Variants in PIMREG observed in about 807,000 individuals in gnomAD.
The protein encoded by PIMREG is protein PIMREG.
Under a neutral mutation model 24.3 loss-of-function variants are expected in PIMREG, and 19 were observed. The ratio of observed to expected loss-of-function variants is 0.78; its 90% CI spans 0.54 to 1.15. PIMREG has a LOEUF of 1.15. Ranked by LOEUF, PIMREG falls within the 50% of genes most tolerant of loss-of-function variation. The pLI, the probability that PIMREG is intolerant of heterozygous loss-of-function variation, is 0.00. For synonymous variants in PIMREG, 112 were observed against 124.1 expected, an observed-to-expected ratio of 0.90 and a Z score of 0.65; for missense variants, 283 against 306.8, an observed-to-expected ratio of 0.92 and a Z score of 0.58.
intron 2 of PIMREG, among the ~76,000 whole-genome samples, chr17:6,445,840 A>G (rs1913550762): frequency 6.6e-6 from 1 of 152,144 alleles, no homozygotes. Context: ...TGTACTGCCC[A>G]CTCAGCTGTG....
rs529735107 is a variant in PIMREG at position 6,449,328 on chromosome 17, C to A, written c.607C>A (p.Leu203Ile). 9.9e-6 allele frequency: 16 copies of A among 1,612,656 alleles called. No individual in the cohort carries two copies. Among genetic ancestry groups the A allele is most frequent in the Non-Finnish European group, 1.3e-5 (15 of 1,179,458 alleles). Residue 203 changes from leucine (L) to isoleucine (I), a missense_variant, in exon 4 of 6, where the codon CTA becomes ATA. Coordinates refer to ENST00000572447, the MANE Select transcript of PIMREG (RefSeq NM_019013.3). Reference protein sequence around the residue: ...LCSPSESDSDLEPVGAGIQHL... With the variant: ...LCSPSESDSDIEPVGAGIQHL... Reference sequence around the variant, plus strand: ...TTCATGCAGCGAGTCTGACAGTGACCTAGAGCCTGTGGGGGCGGGAATTCA... The same window carrying A: ...TTCATGCAGCGAGTCTGACAGTGACATAGAGCCTGTGGGGGCGGGAATTCA...
At position 6,450,048 on chromosome 17, in the gene PIMREG, T is replaced by C. The variant is rs1436432323; in HGVS notation, c.707T>C (p.Ile236Thr). The C allele has an allele frequency of 5.0e-6, 8 of 1,614,058 alleles. No individual in the cohort carries two copies. In the Admixed American group the frequency reaches 1.3e-4, roughly 27 times the overall value. The part of the protein sequence containing the change: ...AEESGDIVSL[I>T]HD ...TCTAGTGGTGACATCGTCTCTCTCA[T>C]TCATGACTGAGGAAGTGCCTGCAGG... The change falls in exon 5 of 6, where the codon ATT (isoleucine) becomes ACT (threonine). Residue 236 changes from isoleucine to threonine, a missense_variant. Ile to Thr is a moderately conservative substitution (Grantham distance 89). Coordinates refer to ENST00000572447, the MANE Select transcript of PIMREG (RefSeq NM_019013.3).
In PIMREG at chr17:6,445,800, G is replaced by A. The variant is rs117378317; in HGVS notation, c.294+396G>A. 4.0e-3 allele frequency among the ~76,000 whole-genome samples: 606 copies of A among 152,300 alleles called. 1 individual carries two copies. Among genetic ancestry groups the A allele is most frequent in the Non-Finnish European group, 6.2e-3 (420 of 68,032 alleles). ...ATTTAGGGTAGGGGAAATAGTGCAA[G>A]TCCAGGCCTAGAGCTGAGGGAAAGC... is the stretch of plus-strand genomic sequence containing the variant. On this transcript the variant is annotated intron_variant, in intron 2 of 5. Coordinates refer to ENST00000572447, the MANE Select transcript of PIMREG (RefSeq NM_019013.3).
chr17:6,450,783 G>A lies in PIMREG; in HGVS notation c.*436G>A, dbSNP rs1913800190. 4.3e-6 allele frequency: 1 copy of A among 234,070 alleles called. No homozygotes were observed. Among genetic ancestry groups the A allele is most frequent in the African/African-American group, 2.3e-5 (1 of 44,354 alleles). The allele number at this position is 234,070 out of a possible 1,614,324, so 14.5% of individuals were successfully genotyped here. A position where few individuals can be genotyped will look rare whatever the true frequency, so the allele number is the denominator to read the frequency against. ...TCACCCACTGTGTTTCTGGTGCCAA[G>A]GCTCTTGAGGGCCCCACTCTCATCC... On this transcript the variant is annotated 3_prime_UTR_variant, in exon 6 of 6. Coordinates refer to ENST00000572447, the MANE Select transcript of PIMREG (RefSeq NM_019013.3).
chr17:6,445,483 A>C (rs917886271), intron 2 of PIMREG, 79 bp downstream of exon 2: 47 of 1,445,658 alleles, frequency 3.3e-5, no homozygotes, highest in Non-Finnish European at 4.0e-5. Context: ...AAAGAGCCTC[A>C]AGAATATAGA....
intron 5 of PIMREG, 21 bp downstream of exon 5, chr17:6,450,093 GTCTT>G: frequency 1.2e-6 from 2 of 1,612,406 alleles, no homozygotes. Flanking sequence ...CCTCCCAAGA[GTCTT>G]TCTCACTGTC....
At chr17:6,449,687 A>C (rs1567652783) in intron 4 of PIMREG, 3 of 1,377,858 alleles carry the variant, frequency 2.2e-6, no homozygotes, top group East Asian at 2.6e-5. Flanking sequence ...TTCCTGAAAA[A>C]CCTGCCCTTC....
chr17:6,450,013 T>A lies in PIMREG; in HGVS notation c.687-15T>A. 1 of 1,613,764 alleles carries A rather than the reference T, an allele frequency of 6.2e-7. No individual in the cohort carries two copies. The highest frequency in any genetic ancestry group is 1.1e-5 in the South Asian group (1 of 91,080). ...CACCACACCCAGTGGCATCAATCCC[T>A]CCCCTTCTCTCTAGTGGTGACATCG... On this transcript the variant is annotated splice_polypyrimidine_tract_variant and intron_variant, in intron 4 of 5. Coordinates refer to ENST00000572447, the MANE Select transcript of PIMREG (RefSeq NM_019013.3).
At chr17:6,447,394 G>A (rs1397367735) in intron 2 of PIMREG, 69 bp from the exon 3 acceptor site, 1 of 1,536,532 alleles carries the variant, frequency 6.5e-7, no homozygotes, top group African/African-American at 1.4e-5. Context: ...GGGATTATAG[G>A]CGTGAGCCAC....
rs1913515035 is a variant in PIMREG, at chr17:6,444,994, C to CAGA, written c.-35-82_-35-81insAGA. ...GCCACCCCGCTGCATCCCGTCTCTT[C>CAGA]CCCTGTGTCCAGGGTCTCTGTGGGG... On this transcript the variant is annotated intron_variant, in intron 1 of 5. Coordinates refer to ENST00000572447, the MANE Select transcript of PIMREG (RefSeq NM_019013.3). This position sits in a 1 kb window ranked among gnomAD's most constrained non-coding sequence, Gnocchi z 4.3. 8.7e-7 allele frequency: 1 copy of CAGA among 1,150,224 alleles called. No homozygotes were observed. Among genetic ancestry groups the CAGA allele is most frequent in the Non-Finnish European group, 1.2e-6 (1 of 849,718 alleles). The allele number at this position is 1,150,224 out of a possible 1,614,324, so 71.3% of individuals were successfully genotyped here.
At position 6,444,986 on chromosome 17, in the gene PIMREG, C is replaced by T. The variant is rs1019527715; in HGVS notation, c.-35-90C>T. 6.5e-6 allele frequency: 7 copies of T among 1,082,688 alleles called. No homozygotes were observed. The African/African-American group carries it at 9.6e-5, about 15-fold the overall frequency. The allele number at this position is 1,082,688 out of a possible 1,614,324, so 67.1% of individuals were successfully genotyped here. A position where few individuals can be genotyped will look rare whatever the true frequency, so the allele number is the denominator to read the frequency against. ...CCGCCCCCGCCACCCCGCTGCATCC[C>T]GTCTCTTCCCCTGTGTCCAGGGTCT... On this transcript the variant is annotated intron_variant, in intron 1 of 5. Transcript: ENST00000572447. This position sits in a 1 kb window ranked among gnomAD's most constrained non-coding sequence, Gnocchi z 4.3.
chr17:6,450,140 A>G, intron 5 of PIMREG, 68 bp downstream of exon 5: 1 of 1,537,784 alleles, frequency 6.5e-7, no homozygotes, highest in Non-Finnish European at 9.0e-7. Context: ...AGCAAGTTAA[A>G]GAAAAAGCCC....
chr17:6,448,726 C>T (rs1913688221), intron 3 of PIMREG, among the ~76,000 whole-genome samples: 2 of 152,124 alleles, frequency 1.3e-5, no homozygotes, highest in African/African-American at 2.4e-5. Flanking sequence ...TCATCCCAAT[C>T]GGCAGTCCCT....
At chr17:6,448,282 C>CAAAAAAAAAAAAAAAAAAA (rs71154695) in intron 3 of PIMREG, among the ~76,000 whole-genome samples, 24 of 41,296 alleles carry the variant, frequency 5.8e-4, no homozygotes, top group South Asian at 1.4e-3. Context: ...GACCCTGTCT[C>CAAAAAAAAAAAAAAAAAAA]AAAAAAAAAA....
Position 6,447,722 on chromosome 17 carries a change from G to T in PIMREG, c.554G>T (p.Ser185Ile). The T allele has an allele frequency of 6.2e-7, 1 of 1,613,256 alleles. No homozygotes were observed. Among genetic ancestry groups the T allele is most frequent in the South Asian group, 1.1e-5 (1 of 90,988 alleles). ...TCAAGGCGGGAGGCTGCCTTCCGGA[G>T]CCCCTACTCCTCAACAGAGCCCCTC... ...RRSRREAAFR[S>I]PYSSTEPLCS... The change falls in exon 3 of 6, where the codon AGC (serine) becomes ATC (isoleucine). Residue 185 changes from serine (S) to isoleucine (I), a missense_variant. Coordinates refer to ENST00000572447, the MANE Select transcript of PIMREG (RefSeq NM_019013.3).
rs985923035 is a variant in PIMREG at position 6,445,328 on chromosome 17, A to G, written c.218A>G (p.Glu73Gly). The change falls in exon 2 of 6, where the codon GAA (glutamate) becomes GGA (glycine). Residue 73 changes from glutamate to glycine, a missense_variant. Coordinates refer to ENST00000572447, the MANE Select transcript of PIMREG (RefSeq NM_019013.3). ...GCAGGGCCCTCCTGGAAACGCCTGGAAACCCCAGAGCCAGGTCAGCAGGGC... is the reference window on the plus strand; with the variant it reads ...GCAGGGCCCTCCTGGAAACGCCTGGGAACCCCAGAGCCAGGTCAGCAGGGC... ...LRAGPSWKRLETPEPGQQGLQ... is the reference protein window; with the variant it reads ...LRAGPSWKRLGTPEPGQQGLQ... The G allele has an allele frequency of 1.2e-6, 2 of 1,613,998 alleles. No individual in the cohort carries two copies. Among genetic ancestry groups the G allele is most frequent in the Non-Finnish European group, 1.7e-6 (2 of 1,180,020 alleles).
chr17:6,447,362 T>C, intron 2 of PIMREG, 101 bp from the exon 3 acceptor site: 1 of 1,294,794 alleles, frequency 7.7e-7, no homozygotes, highest in Non-Finnish European at 1.1e-6. Context: ...GTGATCTGCC[T>C]GCCTCGGCCT....
In PIMREG at chr17:6,450,151, ACAGAG is replaced by A. The variant is rs932270201; in HGVS notation, c.*14+81_*14+85del. 2.0e-6 allele frequency: 3 copies of A among 1,488,016 alleles called. No individual in the cohort carries two copies. The African/African-American group carries it at 4.2e-5, about 21-fold the overall frequency. The allele number at this position is 1,488,016 out of a possible 1,614,324, so 92.2% of individuals were successfully genotyped here. ...CATGAGCAAGTTAAAGAAAAAGCCC[ACAGAG>A]CTGATGGGCACAGCAGAGTAGGTAG... On this transcript the variant is annotated intron_variant, in intron 5 of 5. Transcript: ENST00000572447.
At chr17:6,447,082 AG>A (rs1472373847) in intron 2 of PIMREG, among the ~76,000 whole-genome samples, 1 of 147,034 alleles carries the variant, frequency 6.8e-6, no homozygotes, top group East Asian at 2.0e-4. Context: ...CTGGAGACCA[AG>A]GTAGCTCACC....
Sources: allele counts gnomAD v4.1 joint callset (sites outside exome capture counted in the v4.1 genomes callset), GRCh38; gene constraint gnomAD v4.1.1; non-coding constraint Gnocchi (gnomAD v3.1); transcripts MANE v1.5; gene names NCBI Gene and HGNC (gene_info 2026-07-23, HGNC 2026-07-21).